Variants in SLC1A2 observed in about 807,000 individuals in gnomAD.
SLC1A2 encodes solute carrier family 1 member 2, also known as excitatory amino acid transporter 2.
In SLC1A2, 15 loss-of-function variants were observed where a neutral mutation model predicts 48.8. The observed-to-expected ratio is 0.31, with a 90% CI of 0.21 to 0.47. The LOEUF (loss-of-function observed/expected upper bound fraction) is 0.47. Ranked by LOEUF, SLC1A2 falls within the 20% of genes least tolerant of loss-of-function variation. The pLI is 0.99. For missense variants in SLC1A2, 502 were observed against 730.5 expected, an observed-to-expected ratio of 0.69 and a Z score of 3.61; for synonymous variants, 279 against 272.6, an observed-to-expected ratio of 1.02 and a Z score of -0.23.
At chr11:35,381,149 T>C (rs1357543823) in intron 1 of SLC1A2, among the ~76,000 whole-genome samples, 1 of 152,154 alleles carries the variant, frequency 6.6e-6, no homozygotes, top group Non-Finnish European at 1.5e-5. Context: ...GGCAGCTTTT[T>C]GGGCAGCCAC....
intron 1 of SLC1A2, among the ~76,000 whole-genome samples, chr11:35,393,874 AC>A (rs200039039): frequency 0.011 from 1,721 of 151,934 alleles, 16 homozygotes; most frequent in Non-Finnish European, 0.014. Flanking sequence ...CCCTTTTATC[AC>A]TCTGGGCTTC....
chr11:35,273,783 T>A (rs1361155209), intron 9 of SLC1A2, among the ~76,000 whole-genome samples: 3 of 152,186 alleles, frequency 2.0e-5, no homozygotes. Flanking sequence ...GGCTGGTATG[T>A]GGAAGGGGCA....
In SLC1A2 at chr11:35,419,383, C is replaced by T; in HGVS notation, c.-417G>A. On this transcript the variant is annotated 5_prime_UTR_variant, in exon 1 of 11. Transcript: ENST00000278379. The surrounding 1 kb of genome is among the most constrained non-coding windows in gnomAD (Gnocchi z 5.4). ...GAGTGGCGGGAGCAGAGAGTGGTGG[C>T]AGAGGACGGTGAGCGTGCGTGCGCG... 1 of 206,780 alleles carries T rather than the reference C, an allele frequency of 4.8e-6. No individual in the cohort carries two copies. The highest frequency in any genetic ancestry group is 9.6e-6 in the Non-Finnish European group (1 of 104,572). The allele number at this position is 206,780 out of a possible 1,614,324, so 12.8% of individuals were successfully genotyped here.
intron 1 of SLC1A2, among the ~76,000 whole-genome samples, chr11:35,388,952 C>T (rs1265027266): frequency 6.6e-6 from 1 of 152,088 alleles, no homozygotes; most frequent in Non-Finnish European, 1.5e-5. Flanking sequence ...CCAAAAGGGG[C>T]TGGGAGTGAG....
At chr11:35,290,223 G>A (rs1261243388) in intron 7 of SLC1A2, among the ~76,000 whole-genome samples, 1 of 152,176 alleles carries the variant, frequency 6.6e-6, no homozygotes, top group East Asian at 1.9e-4. Context: ...CTTATCCTGA[G>A]GGGATCATCA....
At chr11:35,311,637 C>T (rs1185784911) in intron 4 of SLC1A2, among the ~76,000 whole-genome samples, 1 of 152,066 alleles carries the variant, frequency 6.6e-6, no homozygotes, top group Admixed American at 6.6e-5. Flanking sequence ...TGTATTACTT[C>T]CACAATTTAA....
intron 9 of SLC1A2, among the ~76,000 whole-genome samples, chr11:35,276,628 T>C (rs1850450753): frequency 6.6e-6 from 1 of 152,128 alleles, no homozygotes; most frequent in South Asian, 2.1e-4. Flanking sequence ...GGCAGGGTTT[T>C]GAATGTTTCA....
At chr11:35,379,981 G>T (rs746890114) in intron 1 of SLC1A2, among the ~76,000 whole-genome samples, 24 of 152,168 alleles carry the variant, frequency 1.6e-4, no homozygotes, top group Non-Finnish European at 2.6e-4. Context: ...TTACTTGCAC[G>T]CTGATACCGG....
intron 1 of SLC1A2, chr11:35,359,973 G>T: frequency 2.7e-6 from 1 of 376,818 alleles, no homozygotes; most frequent in Non-Finnish European, 3.7e-6. Context: ...CCCTCTCCAG[G>T]AATGCAAACT....
intron 9 of SLC1A2, among the ~76,000 whole-genome samples, chr11:35,278,974 G>T (rs1047740190): frequency 1.3e-5 from 2 of 152,116 alleles, no homozygotes; most frequent in Admixed American, 6.5e-5. Context: ...AGCCAAGATC[G>T]CACCACTGCA....
At chr11:35,344,333 A>C (rs1156915468) in intron 1 of SLC1A2, among the ~76,000 whole-genome samples, 1 of 152,210 alleles carries the variant, frequency 6.6e-6, no homozygotes, top group African/African-American at 2.4e-5. Context: ...TTAACCAGTG[A>C]CTTGAAGAAA....
At chr11:35,360,822 C>G (rs1392240142) in intron 1 of SLC1A2, among the ~76,000 whole-genome samples, 1 of 152,094 alleles carries the variant, frequency 6.6e-6, no homozygotes, top group African/African-American at 2.4e-5. Flanking sequence ...TCAGATGTGC[C>G]TCTCAGAACA....
chr11:35,336,694 C>A (rs1852645558), intron 1 of SLC1A2, among the ~76,000 whole-genome samples: 1 of 152,166 alleles, frequency 6.6e-6, no homozygotes, highest in African/African-American at 2.4e-5. Flanking sequence ...TGGCCCAAAT[C>A]CAAGACTTTA....
At chr11:35,350,554 C>G (rs903150005) in intron 1 of SLC1A2, among the ~76,000 whole-genome samples, 1 of 152,188 alleles carries the variant, frequency 6.6e-6, no homozygotes, top group Non-Finnish European at 1.5e-5. Context: ...CCAGGTCTCT[C>G]CAGTCAACAT....
At chr11:35,358,919 A>T (rs1290849804) in intron 1 of SLC1A2, among the ~76,000 whole-genome samples, 1 of 152,214 alleles carries the variant, frequency 6.6e-6, no homozygotes, top group African/African-American at 2.4e-5. Flanking sequence ...GAAATACTTA[A>T]CAAGGACCCA....
intron 10 of SLC1A2, among the ~76,000 whole-genome samples, chr11:35,263,177 G>C (rs569333084): frequency 2.6e-5 from 4 of 152,226 alleles, no homozygotes; most frequent in African/African-American, 9.6e-5. Flanking sequence ...AAAAAACGAA[G>C]CAAATTGGCC....
chr11:35,419,119 A>G lies in SLC1A2; in HGVS notation c.-153T>C. 1 of 574,246 alleles carries G rather than the reference A, an allele frequency of 1.7e-6. No homozygotes were observed. The highest frequency in any genetic ancestry group is 3.4e-5 in the East Asian group (1 of 28,990). 35.6% of individuals were successfully genotyped at this position (574,246 alleles called of 1,614,324 possible). On this transcript the variant is annotated 5_prime_UTR_variant, in exon 1 of 11. Coordinates refer to ENST00000278379, the MANE Select transcript of SLC1A2 (RefSeq NM_004171.4). This position sits in a 1 kb window ranked among gnomAD's most constrained non-coding sequence, Gnocchi z 5.4. ...CACCCGCCTCCGGGGTAAGCCCTTTAGCGCCTCAACGGGCGCAGGAGGCTC... is the reference window on the plus strand; with the variant it reads ...CACCCGCCTCCGGGGTAAGCCCTTTGGCGCCTCAACGGGCGCAGGAGGCTC...
At position 35,258,514 on chromosome 11, in the gene SLC1A2, C is replaced by T. The variant is rs1205900685; in HGVS notation, c.*2380G>A. On this transcript the variant is annotated 3_prime_UTR_variant, in exon 11 of 11. Coordinates refer to ENST00000278379, the MANE Select transcript of SLC1A2 (RefSeq NM_004171.4). ...GCCTTCCATAGCAAAAAACAACAAG[C>T]TCCTAGACGCTTTGCCTATAGCCTC... The T allele has an allele frequency of 1.3e-5, 2 of 152,648 alleles. No individual in the cohort carries two copies. The highest frequency in any genetic ancestry group is 2.4e-5 in the African/African-American group (1 of 41,436). The allele number at this position is 152,648 out of a possible 1,614,324, so 9.5% of individuals were successfully genotyped here. A position where few individuals can be genotyped will look rare whatever the true frequency, so the allele number is the denominator to read the frequency against.
intron 9 of SLC1A2, among the ~76,000 whole-genome samples, chr11:35,271,124 C>T (rs895486653): frequency 2.0e-5 from 3 of 152,154 alleles, no homozygotes; most frequent in Non-Finnish European, 2.9e-5. Flanking sequence ...GTCAAAGATT[C>T]CTCTCAGGTT....
Sources: gnomAD v4.1 joint callset for allele counts (sites outside exome capture counted in the v4.1 genomes callset) on GRCh38, gnomAD v4.1.1 for gene constraint, Gnocchi (gnomAD v3.1) non-coding constraint, MANE v1.5 for transcripts, NCBI Gene and HGNC (gene_info 2026-07-23, HGNC 2026-07-21) for gene names.